Variants in NAT1 observed in about 807,000 individuals in gnomAD.
NAT1 encodes the protein arylamine N-acetyltransferase 1.
For missense variants in NAT1, 400 were observed against 339.2 expected (o/e 1.18, Z -1.41); for synonymous variants, 144 against 122.6 (o/e 1.17, Z -1.16).
intron 2 of NAT1, among the ~76,000 whole-genome samples, chr8:18,197,652 G>A (rs62496069): frequency 6.6e-6 from 1 of 152,112 alleles, no homozygotes; most frequent in African/African-American, 2.4e-5. Flanking sequence ...TTGGTGTGGC[G>A]GTTTGTCTAA....
intron 2 of NAT1, among the ~76,000 whole-genome samples, chr8:18,175,378 C>G (rs1681606664): frequency 1.3e-5 from 2 of 152,092 alleles, no homozygotes; most frequent in Admixed American, 6.6e-5. Flanking sequence ...CCCTCCTCCT[C>G]TCCCCTAGCT....
intron 2 of NAT1, among the ~76,000 whole-genome samples, chr8:18,181,888 C>T (rs1251109258): frequency 6.6e-6 from 1 of 152,102 alleles, no homozygotes; most frequent in Non-Finnish European, 1.5e-5. Context: ...TCCTCTGTCC[C>T]AGGGAAGGTC....
intron 2 of NAT1, among the ~76,000 whole-genome samples, chr8:18,188,203 AT>A (rs1802822475): frequency 1.3e-5 from 2 of 152,216 alleles, no homozygotes; most frequent in Admixed American, 6.5e-5. Flanking sequence ...CAAGTAAACA[AT>A]TAGACACATC....
chr8:18,175,710 A>T (rs1044064756), intron 2 of NAT1, among the ~76,000 whole-genome samples: 2 of 152,072 alleles, frequency 1.3e-5, no homozygotes, highest in Non-Finnish European at 2.9e-5. Context: ...ACCAACTTCA[A>T]TTCCTTTAAA....
chr8:18,205,541 T>C (rs973634109), upstream of NAT1, among the ~76,000 whole-genome samples: 6 of 152,124 alleles, frequency 3.9e-5, no homozygotes, highest in African/African-American at 9.7e-5. Flanking sequence ...CAAGTCTCCA[T>C]CTGCAGTGAT....
At chr8:18,216,837 AG>A in intron 1 of NAT1, 2 of 1,258,106 alleles carry the variant, frequency 1.6e-6, no homozygotes, top group Middle Eastern at 1.9e-4. Flanking sequence ...AAAAATGGTA[AG>A]GGGGAACTCA....
chr8:18,188,982 G>A, intron 2 of NAT1, among the ~76,000 whole-genome samples: 1 of 96,698 alleles, frequency 1.0e-5, no homozygotes, highest in South Asian at 3.7e-4. Context: ...GTGACAGAGA[G>A]AGACTCCGAC....
chr8:18,184,669 T>A (rs1802659573), intron 2 of NAT1, among the ~76,000 whole-genome samples: 1 of 152,172 alleles, frequency 6.6e-6, no homozygotes, highest in Non-Finnish European at 1.5e-5. Flanking sequence ...CAATCTCCCA[T>A]CCAACAGTAG....
chr8:18,185,498 C>A (rs1368635352), intron 2 of NAT1, among the ~76,000 whole-genome samples: 2 of 152,126 alleles, frequency 1.3e-5, no homozygotes, highest in East Asian at 3.9e-4. Flanking sequence ...GACAATATTC[C>A]CCTTTTCAAT....
At chr8:18,170,980 C>A (rs1290494662) in intron 2 of NAT1, among the ~76,000 whole-genome samples, 2 of 151,898 alleles carry the variant, frequency 1.3e-5, no homozygotes, top group African/African-American at 4.8e-5. Context: ...AGAGTCTGAA[C>A]AGGGTTCAAA....
chr8:18,221,750 A>G, intron 2 of NAT1: 1 of 273,198 alleles, frequency 3.7e-6, no homozygotes, highest in Non-Finnish European at 6.9e-6. Flanking sequence ...TCTCTCTTTT[A>G]TTAATCACCA....
At chr8:18,193,804 C>A (rs1803120935) in intron 2 of NAT1, among the ~76,000 whole-genome samples, 1 of 151,654 alleles carries the variant, frequency 6.6e-6, no homozygotes, top group African/African-American at 2.4e-5. Context: ...CCACACCCAG[C>A]TAATTTTTGT....
rs143628618 is a variant in NAT1 at position 18,195,931 on chromosome 8, A to C, written n.93-13850A>C. Among the ~76,000 whole-genome samples the C allele has an allele frequency of 1.1e-3, 168 of 152,196 alleles. 1 individual carries two copies. The highest frequency in any genetic ancestry group is 3.3e-3 in the Admixed American group (50 of 15,272). Reference sequence around the variant, plus strand: ...TTCTTGATGTTAGATTAAAAAAAAAAAGACCCTGATGGCTTGAAGAATTGA... The same window carrying C: ...TTCTTGATGTTAGATTAAAAAAAAACAGACCCTGATGGCTTGAAGAATTGA... On this transcript the variant is annotated intron_variant and non_coding_transcript_variant, in intron 2 of 4. Transcript: ENST00000517441.
rs138147430 is a variant in NAT1, at chr8:18,200,432, G to T, written n.93-9349G>T. ...CATTGTCCTAAGCAAACTAACACAG[G>T]AACAGAAAACATAATACCACATGTT... On this transcript the variant is annotated intron_variant and non_coding_transcript_variant, in intron 2 of 4. Coordinates refer to the NAT1 transcript ENST00000517441. 3.9e-5 allele frequency among the ~76,000 whole-genome samples: 6 copies of T among 152,228 alleles called. No homozygotes were observed. The East Asian group carries it at 9.7e-4, about 25-fold the overall frequency.
At chr8:18,221,615 T>C (rs8190856) in intron 2 of NAT1, among the ~76,000 whole-genome samples, 2,762 of 152,270 alleles carry the variant, frequency 0.018, 49 homozygotes, top group Middle Eastern at 0.085. Context: ...AAACTTTGTA[T>C]AAGGCTCAGC....
At chr8:18,195,846 A>G (rs1321731108) in intron 2 of NAT1, among the ~76,000 whole-genome samples, 1 of 151,900 alleles carries the variant, frequency 6.6e-6, no homozygotes, top group African/African-American at 2.4e-5. Flanking sequence ...CCTGATGGGG[A>G]TCAGATCTTT....
chr8:18,190,069 T>C lies in NAT1; in HGVS notation n.92+19330T>C, dbSNP rs551024511. ...CCTCCCAAAGTGCTGGGATTACAGG[T>C]GTGAGCCACCACACCCAGCCTGCTA... On this transcript the variant is annotated intron_variant and non_coding_transcript_variant, in intron 2 of 4. Transcript: ENST00000517441. Among the ~76,000 whole-genome samples the C allele has an allele frequency of 4.6e-3, 703 of 152,292 alleles. 5 individuals are homozygous for C. Among genetic ancestry groups the C allele is most frequent in the African/African-American group, 0.016 (665 of 41,558 alleles).
intron 2 of NAT1, among the ~76,000 whole-genome samples, chr8:18,187,936 A>AACACACACAAACACACACACAC (rs373726435): frequency 7.3e-6 from 1 of 137,394 alleles, no homozygotes; most frequent in Non-Finnish European, 1.6e-5. Flanking sequence ...TTGTATCTTA[A>AACACACACAAACACACACACAC]ACACACACAC....
intron 1 of NAT1, among the ~76,000 whole-genome samples, chr8:18,216,713 G>C (rs1804707358): frequency 1.3e-5 from 2 of 152,122 alleles, no homozygotes; most frequent in Non-Finnish European, 2.9e-5. Context: ...TGATAGAGCA[G>C]GAAATAGTAA....
Sources: gnomAD v4.1 joint callset for allele counts (sites outside exome capture counted in the v4.1 genomes callset) on GRCh38, gnomAD v4.1.1 for gene constraint, MANE v1.5 for transcripts, NCBI Gene and HGNC (gene_info 2026-07-23, HGNC 2026-07-21) for gene names.